Variants in TTC7B observed in about 807,000 individuals in gnomAD.
TTC7B encodes tetratricopeptide repeat domain 7B.
A neutral mutation model predicts 106.8 loss-of-function variants in TTC7B; 28 were observed. The observed-to-expected ratio is 0.26, with a 90% confidence interval of 0.19 to 0.36. The LOEUF (loss-of-function observed/expected upper bound fraction) is 0.36, where lower values mean the gene tolerates loss of function less well. Among genes scored for constraint, TTC7B ranks in the 10% least tolerant of loss-of-function variants. TTC7B has a pLI of 1.00. For synonymous variants in TTC7B, 405 were observed against 430.6 expected, an observed-to-expected ratio of 0.94 and a Z score of 0.74; for missense variants, 862 against 1,076.4, an observed-to-expected ratio of 0.80 and a Z score of 2.79.
chr14:90,582,728 G>A (rs1260588168), intron 18 of TTC7B, among the ~76,000 whole-genome samples: 1 of 152,196 alleles, frequency 6.6e-6, no homozygotes, highest in Non-Finnish European at 1.5e-5. Context: ...AGTATTTGGG[G>A]GATCCAGGTC....
chr14:90,707,588 T>A (rs975154333), intron 5 of TTC7B, among the ~76,000 whole-genome samples: 1 of 152,050 alleles, frequency 6.6e-6, no homozygotes, highest in African/African-American at 2.4e-5. Context: ...AAGTGCCTAC[T>A]CCAGTCAACA....
intron 1 of TTC7B, among the ~76,000 whole-genome samples, chr14:90,787,418 A>G (rs1380601682): frequency 6.6e-6 from 1 of 152,152 alleles, no homozygotes; most frequent in African/African-American, 2.4e-5. Flanking sequence ...AAAATATAAA[A>G]TCAGTTTTAA....
Position 90,748,364 on chromosome 14 carries a change from T to C in TTC7B, c.446-3442A>G, listed in dbSNP as rs1269580456. ...GTTTGTTTGGGACAGAGTCTCACTC[T>C]GTTGCCCAGGCTGGAGTACAGTGGC... On this transcript the variant is annotated intron_variant, in intron 3 of 19. Transcript: ENST00000328459. 4.6e-5 allele frequency among the ~76,000 whole-genome samples: 7 copies of C among 152,366 alleles called. No homozygotes were observed. In the East Asian group the frequency reaches 1.3e-3, roughly 29 times the overall value.
intron 15 of TTC7B, among the ~76,000 whole-genome samples, chr14:90,621,922 T>C (rs911959829): frequency 6.6e-6 from 1 of 152,112 alleles, no homozygotes; most frequent in Non-Finnish European, 1.5e-5. Context: ...TCAGCATTCA[T>C]TTGCTACAGC....
chr14:90,739,048 C>T (rs1215855386), intron 4 of TTC7B, among the ~76,000 whole-genome samples: 4 of 152,088 alleles, frequency 2.6e-5, no homozygotes, highest in Non-Finnish European at 5.9e-5. Flanking sequence ...AAAACACAGA[C>T]AGGAAATATA....
At chr14:90,782,920 T>C (rs1423862632) in intron 2 of TTC7B, among the ~76,000 whole-genome samples, 1 of 151,830 alleles carries the variant, frequency 6.6e-6, no homozygotes, top group African/African-American at 2.4e-5. Context: ...TGTTAGGTTG[T>C]AAGTTATGTA....
At position 90,600,974 on chromosome 14, in the gene TTC7B, G is replaced by A. The variant is rs968666560; in HGVS notation, c.1967-7348C>T. 1.3e-5 allele frequency among the ~76,000 whole-genome samples: 2 copies of A among 152,054 alleles called. No individual in the cohort carries two copies. Among genetic ancestry groups the A allele is most frequent in the Non-Finnish European group, 2.9e-5 (2 of 68,020 alleles). The stretch of plus-strand genomic sequence containing the variant: ...CTGAGCCTCCAAGTGCCTGACTGCC[G>A]GCGTCCTGGGGAAAGCCTCCCAGGT... On this transcript the variant is annotated intron_variant, in intron 17 of 19. Coordinates refer to ENST00000328459, the MANE Select transcript of TTC7B (RefSeq NM_001010854.2). This position sits in a 1 kb window ranked among gnomAD's most constrained non-coding sequence, Gnocchi z 4.3.
At chr14:90,761,120 ATATT>A (rs1278705538) in intron 3 of TTC7B, among the ~76,000 whole-genome samples, 1 of 152,214 alleles carries the variant, frequency 6.6e-6, no homozygotes, top group Admixed American at 6.5e-5. Flanking sequence ...ACTTTAGGAG[ATATT>A]TAGTTTATAG....
Position 90,537,269 on chromosome 14 carries a change from C to T in TTC7B, c.*4099G>A, listed in dbSNP as rs1889438687. On this transcript the variant is annotated 3_prime_UTR_variant, in exon 20 of 20. Coordinates refer to ENST00000328459, the MANE Select transcript of TTC7B (RefSeq NM_001010854.2). ...CGGTGGCGTGATCACTCACTGCAGC[C>T]TCAACCACCTGGGCTCAAGCAATCA... 6.6e-6 allele frequency: 1 copy of T among 152,204 alleles called. No individual in the cohort carries two copies. Among genetic ancestry groups the T allele is most frequent in the African/African-American group, 2.4e-5 (1 of 41,406 alleles). 9.4% of individuals were successfully genotyped at this position (152,204 alleles called of 1,614,324 possible). A position where few individuals can be genotyped will look rare whatever the true frequency, so the allele number is the denominator to read the frequency against.
chr14:90,712,453 C>T (rs1372996146), intron 5 of TTC7B, among the ~76,000 whole-genome samples: 1 of 152,004 alleles, frequency 6.6e-6, no homozygotes, highest in Admixed American at 6.6e-5. Context: ...TTGCAGGATA[C>T]AACATCCATA....
rs1417024036 is a variant in TTC7B at position 90,558,761 on chromosome 14, A to G, written c.2311-17172T>C. On this transcript the variant is annotated intron_variant, in intron 19 of 19. Coordinates refer to ENST00000328459, the MANE Select transcript of TTC7B (RefSeq NM_001010854.2). ...CGATTCTAGTGCATTAGCGCCGACA[A>G]ACACTGGTTAGCAAGGAAAACAGAA... is the stretch of plus-strand genomic sequence containing the variant. Among the ~76,000 whole-genome samples the G allele has an allele frequency of 2.6e-5, 4 of 152,284 alleles. No individual in the cohort carries two copies. The East Asian group carries it at 7.7e-4, about 29-fold the overall frequency.
intron 19 of TTC7B, among the ~76,000 whole-genome samples, chr14:90,560,546 G>C (rs1195447022): frequency 6.6e-6 from 1 of 152,222 alleles, no homozygotes; most frequent in Non-Finnish European, 1.5e-5. Flanking sequence ...AGGGAAAGGA[G>C]ATACATTTTC....
chr14:90,546,558 T>A (rs1467175525), intron 19 of TTC7B, among the ~76,000 whole-genome samples: 4 of 152,152 alleles, frequency 2.6e-5, no homozygotes, highest in Non-Finnish European at 5.9e-5. Flanking sequence ...AGAGCCCTTG[T>A]CCATCTGCCT....
chr14:90,665,212 G>C (rs1439682937), intron 9 of TTC7B, among the ~76,000 whole-genome samples: 1 of 152,226 alleles, frequency 6.6e-6, no homozygotes, highest in African/African-American at 2.4e-5. Context: ...TACCAGGAAA[G>C]ATAGGTCCAT....
In TTC7B at chr14:90,678,631, C is replaced by T. The variant is rs75796758; in HGVS notation, c.1014+1841G>A. 5.3e-5 allele frequency among the ~76,000 whole-genome samples: 8 copies of T among 152,302 alleles called. No homozygotes were observed. The East Asian group carries it at 1.5e-3, about 29-fold the overall frequency. On this transcript the variant is annotated intron_variant, in intron 8 of 19. Transcript: ENST00000328459. Reference sequence around the variant, plus strand: ...TGATGACATCACTGGATTTCAACATCCCCTGAAGAGATTTTTCTGGCAATT... The same window carrying T: ...TGATGACATCACTGGATTTCAACATTCCCTGAAGAGATTTTTCTGGCAATT...
Position 90,532,072 on chromosome 14 carries a change from T to G in TTC7B, c.*9296A>C, listed in dbSNP as rs939043652. 1.3e-5 allele frequency: 2 copies of G among 152,048 alleles called. No individual in the cohort carries two copies. Among genetic ancestry groups the G allele is most frequent in the Admixed American group, 6.6e-5 (1 of 15,254 alleles). 9.4% of individuals were successfully genotyped at this position (152,048 alleles called of 1,614,324 possible). On this transcript the variant is annotated 3_prime_UTR_variant, in exon 20 of 20. Transcript: ENST00000328459. ...GTCCCAGCTACTCAGGAGGCTGAGG[T>G]GGGAGGATCACTTGAGCCTGGGAGG... is the stretch of plus-strand genomic sequence containing the variant.
At chr14:90,633,783 C>T (rs1478309261) in intron 15 of TTC7B, among the ~76,000 whole-genome samples, 1 of 152,090 alleles carries the variant, frequency 6.6e-6, no homozygotes, top group Non-Finnish European at 1.5e-5. Context: ...AAAATCAGGG[C>T]TCTTGTGGCA....
At chr14:90,554,237 C>T (rs966557143) in intron 19 of TTC7B, among the ~76,000 whole-genome samples, 8 of 152,318 alleles carry the variant, frequency 5.3e-5, no homozygotes, top group Non-Finnish European at 8.8e-5. Context: ...GCCCCAAAGC[C>T]CCACAGTCCC....
Position 90,593,334 on chromosome 14 carries a change from T to C in TTC7B, c.2107+152A>G, listed in dbSNP as rs768528217. On this transcript the variant is annotated intron_variant, in intron 18 of 19. Transcript: ENST00000328459. Reference sequence around the variant, plus strand: ...CGGTTTGTGCAAAGTAGTAGTAACATTTTGGTGCATGGCCGTGAAGCTTTG... The same window carrying C: ...CGGTTTGTGCAAAGTAGTAGTAACACTTTGGTGCATGGCCGTGAAGCTTTG... 1.8e-5 allele frequency: 21 copies of C among 1,167,116 alleles called. 1 individual carries two copies. The highest frequency in any genetic ancestry group is 2.4e-5 in the Non-Finnish European group (21 of 877,830). The allele number at this position is 1,167,116 out of a possible 1,614,324, so 72.3% of individuals were successfully genotyped here.
Sources: gnomAD v4.1 joint callset for allele counts (sites outside exome capture counted in the v4.1 genomes callset) on GRCh38, gnomAD v4.1.1 for gene constraint, Gnocchi (gnomAD v3.1) non-coding constraint, MANE v1.5 for transcripts, NCBI Gene and HGNC (gene_info 2026-07-23, HGNC 2026-07-21) for gene names.